Variants in SAXO3 observed in about 807,000 individuals in gnomAD.
SAXO3 encodes stabilizer of axonemal microtubules 3.
chr19:49,020,235 C>T, the SAXO3 span: 1 of 470,356 alleles, frequency 2.1e-6, no homozygotes, highest in East Asian at 3.5e-5. Context: ...ATTCAGCTTC[C>T]CTGGTGCCTC....
At chr19:49,018,962 G>A in the SAXO3 span, 2 of 1,533,756 alleles carry the variant, frequency 1.3e-6, no homozygotes, top group Admixed American at 2.0e-5. Flanking sequence ...TGAAAGGCCG[G>A]CCAGACAGCT....
the SAXO3 span, chr19:49,018,769 T>C: frequency 5.6e-4 from 575 of 1,027,066 alleles, 3 homozygotes; most frequent in African/African-American, 8.5e-3. Context: ...AAGTCGAGGC[T>C]GAGACCACCG....
chr19:49,018,381 C>T, the SAXO3 span: 19 of 1,176,410 alleles, frequency 1.6e-5, no homozygotes, highest in Non-Finnish European at 1.9e-5. Context: ...CAGCTGGATC[C>T]TTGGGGACGA....
chr19:49,019,359 A>T, the SAXO3 span: 5 of 1,216,726 alleles, frequency 4.1e-6, no homozygotes, highest in Non-Finnish European at 5.2e-6. Flanking sequence ...AGCAACTCCA[A>T]GTTACCTCTC....
the SAXO3 span, chr19:49,020,541 G>A: frequency 2.5e-6 from 1 of 398,578 alleles, no homozygotes; most frequent in African/African-American, 2.1e-5. Context: ...CCGTAGCCAA[G>A]CAGGAGCTGG....
At chr19:49,019,860 C>T in the SAXO3 span, 1 of 1,286,322 alleles carries the variant, frequency 7.8e-7, no homozygotes, top group Non-Finnish European at 1.0e-6. Context: ...GACTCAAATG[C>T]AGTCCCCCGC....
the SAXO3 span, chr19:49,019,576 T>C: frequency 5.7e-6 from 7 of 1,223,146 alleles, no homozygotes; most frequent in Non-Finnish European, 7.3e-6. Flanking sequence ...AAAGCCGTGA[T>C]TCCTTCTGGC....
chr19:49,019,290 G>C, the SAXO3 span: 1 of 1,200,508 alleles, frequency 8.3e-7, no homozygotes, highest in Non-Finnish European at 1.0e-6. Context: ...AACCTCCCTG[G>C]TTCCGCTCTG....
At chr19:49,020,376 T>A in the SAXO3 span, 9 of 403,842 alleles carry the variant, frequency 2.2e-5, no homozygotes, top group East Asian at 3.2e-4. Flanking sequence ...TCCGCTCACC[T>A]GCACCGTGGG....
the SAXO3 span, chr19:49,018,220 G>T: frequency 3.3e-6 from 2 of 607,654 alleles, no homozygotes; most frequent in East Asian, 3.5e-5. Flanking sequence ...GCGGTGGTCG[G>T]GGCGGCCGGG....
the SAXO3 span, among the ~76,000 whole-genome samples, chr19:49,018,560 A>G: frequency 3.3e-5 from 5 of 151,954 alleles, no homozygotes; most frequent in South Asian, 2.1e-4. Flanking sequence ...GTAAAAGGGG[A>G]CTTTCGCTTC....
the SAXO3 span, chr19:49,019,120 C>T: frequency 1.4e-6 from 2 of 1,430,808 alleles, no homozygotes; most frequent in South Asian, 1.5e-5. Flanking sequence ...CGGCCACGGC[C>T]CTCACACCCC....
chr19:49,019,373 A>G, the SAXO3 span: 1 of 1,232,688 alleles, frequency 8.1e-7, no homozygotes, highest in African/African-American at 1.6e-5. Context: ...ACCTCTCCCA[A>G]CTCCCACCTG....
chr19:49,018,988 A>C, the SAXO3 span: 7 of 1,533,282 alleles, frequency 4.6e-6, no homozygotes, highest in Non-Finnish European at 3.5e-6. Flanking sequence ...TTCTTCGTCC[A>C]GGCAATTAGA....
At chr19:49,020,293 C>T in the SAXO3 span, 1 of 436,856 alleles carries the variant, frequency 2.3e-6, no homozygotes, top group Non-Finnish European at 4.0e-6. Flanking sequence ...AGAGAGGAGT[C>T]CAAGCTCCCA....
the SAXO3 span, chr19:49,020,239 G>A: frequency 2.1e-6 from 1 of 468,032 alleles, no homozygotes. Context: ...AGCTTCCCTG[G>A]TGCCTCCTCT....
the SAXO3 span, chr19:49,019,727 TG>T: frequency 8.6e-7 from 1 of 1,167,232 alleles, no homozygotes. Context: ...GGGTCCCCGC[TG>T]GGAGAGCCAG....
At chr19:49,020,070 C>A in the SAXO3 span, 6 of 1,416,124 alleles carry the variant, frequency 4.2e-6, no homozygotes, top group Non-Finnish European at 5.5e-6. Flanking sequence ...TTGTGAGAAT[C>A]CTGCTTTGCA....
the SAXO3 span, chr19:49,020,144 C>T: frequency 1.6e-6 from 1 of 636,330 alleles, no homozygotes; most frequent in Non-Finnish European, 2.5e-6. Context: ...GCTAGAAAGA[C>T]TCAGGAGTCC....
Sources: gnomAD v4.1 joint callset for allele counts (sites outside exome capture counted in the v4.1 genomes callset) on GRCh38, gnomAD v4.1.1 for gene constraint, MANE v1.5 for transcripts, NCBI Gene and HGNC (gene_info 2026-07-23, HGNC 2026-07-21) for gene names.